SPIB: variants seen among roughly 807,000 people sequenced by gnomAD.
SPIB encodes Spi-B transcription factor.
SPIB carries 7 observed loss-of-function variants against 31.9 expected under a neutral mutation model. The ratio of observed to expected loss-of-function variants is 0.22; its 90% CI spans 0.12 to 0.41. SPIB has a LOEUF of 0.41. Among genes scored for constraint, SPIB ranks in the 10% least tolerant of loss-of-function variants. The pLI is 1.00. For missense variants in SPIB, 327 were observed against 360.2 expected (o/e 0.91, Z 0.75); for synonymous variants, 176 against 158.9 (o/e 1.11, Z -0.81).
rs1165960370 is a variant in SPIB, at chr19:50,429,954, A to C, written c.*1618A>C. The C allele has an allele frequency of 6.6e-6, 1 of 152,260 alleles. No homozygotes were observed. The highest frequency in any genetic ancestry group is 1.5e-5 in the Non-Finnish European group (1 of 68,120). The allele number at this position is 152,260 out of a possible 1,614,324, so 9.4% of individuals were successfully genotyped here. ...GAGGCAGAGGTTGCAGTGAGCCTAG[A>C]TTGTGCCACTGCACTCCAGCCTGGG... is the stretch of plus-strand genomic sequence containing the variant. On this transcript the variant is annotated 3_prime_UTR_variant, in exon 6 of 6. Transcript: ENST00000595883.
chr19:50,423,175 A>G (rs112528377), intron 4 of SPIB, 138 bp downstream of exon 4: 5 of 461,674 alleles, frequency 1.1e-5, no homozygotes, highest in African/African-American at 8.1e-5. Flanking sequence ...ACTGCACTCC[A>G]GTCTGGGCAA....
At chr19:50,426,855 T>C (rs1343913775) in intron 5 of SPIB, among the ~76,000 whole-genome samples, 1 of 151,904 alleles carries the variant, frequency 6.6e-6, no homozygotes, top group Non-Finnish European at 1.5e-5. Flanking sequence ...TCAATCCGGG[T>C]GCAGTGGCTC....
At chr19:50,424,992 A>T (rs1293545745) in intron 5 of SPIB, among the ~76,000 whole-genome samples, 1 of 151,742 alleles carries the variant, frequency 6.6e-6, no homozygotes, top group Non-Finnish European at 1.5e-5. Context: ...GCCTCATTTA[A>T]AAAATTTTAA....
At position 50,423,704 on chromosome 19, in the gene SPIB, G is replaced by A; in HGVS notation, c.439G>A (p.Glu147Lys). Residue 147 changes from glutamate (E) to lysine (K), a missense_variant, in exon 5 of 6, where the codon GAG becomes AAG. Glu to Lys is a moderately conservative substitution (Grantham distance 56, BLOSUM62 1). Transcript: ENST00000595883. ...DSPALEVSDS[E>K]SDEALVAGPE... is the part of the protein sequence containing the mutation. ...CCCTGCCCTGGAGGTCTCGGACAGC[G>A]AGTCGGATGAGGCCCTCGTGGCTGG... 6.2e-7 allele frequency: 1 copy of A among 1,613,448 alleles called. No homozygotes were observed. The highest frequency in any genetic ancestry group is 8.5e-7 in the Non-Finnish European group (1 of 1,179,768).
Position 50,422,637 on chromosome 19 carries a change from A to G in SPIB, c.124+92A>G, listed in dbSNP as rs886796713. On this transcript the variant is annotated intron_variant, in intron 3 of 5. Coordinates refer to ENST00000595883, the MANE Select transcript of SPIB (RefSeq NM_003121.5). ...CCAGGGGAGGTCATTTCCTAGCACA[A>G]CAGGATAAAGGTGGCCCGGGCCTAT... 5 of 1,434,406 alleles carry G rather than the reference A, an allele frequency of 3.5e-6. No individual in the cohort carries two copies. The African/African-American group carries it at 5.6e-5, about 16-fold the overall frequency. The allele number at this position is 1,434,406 out of a possible 1,614,324, so 88.9% of individuals were successfully genotyped here.
Position 50,428,195 on chromosome 19 carries a change from G to T in SPIB, c.648G>T (p.Lys216Asn). The T allele has an allele frequency of 6.3e-7, 1 of 1,590,328 alleles. No homozygotes were observed. The highest frequency in any genetic ancestry group is 8.6e-7 in the Non-Finnish European group (1 of 1,168,480). The change falls in exon 6 of 6, where the codon AAG becomes AAT. Residue 216 changes from lysine to asparagine, a missense_variant. By Grantham distance (94) the Lys-to-Asn change is moderately conservative. Around this residue, in one of 4 missense-constraint regions of SPIB, gnomAD observed 54 missense variants for 69.5 expected, o/e 0.78. Transcript: ENST00000595883. The surrounding 1 kb of genome is among the most constrained non-coding windows in gnomAD (Gnocchi z 6.5). Reference sequence around the variant, plus strand: ...TGGCGCGCCGCTGGGGCCAGCAGAAGGGGAACCGCAAGCGCATGACCTACC... The same window carrying T: ...TGGCGCGCCGCTGGGGCCAGCAGAATGGGAACCGCAAGCGCATGACCTACC... ...ELLARRWGQQ[K>N]GNRKRMTYQK...
intron 4 of SPIB, 22 bp from the exon 5 acceptor site, chr19:50,423,583 A>C: frequency 6.2e-7 from 1 of 1,607,696 alleles, no homozygotes; most frequent in Non-Finnish European, 8.5e-7. Flanking sequence ...CTGGACATGC[A>C]GGTGACCCTG....
intron 1 of SPIB, 144 bp from the exon 2 acceptor site, chr19:50,419,802 G>A (rs952996812): frequency 1.3e-6 from 1 of 743,302 alleles, no homozygotes; most frequent in Non-Finnish European, 2.0e-6. Flanking sequence ...TAGTGGGGGA[G>A]TCCGGTGAAT....
chr19:50,427,241 T>C (rs1182751365), intron 5 of SPIB, among the ~76,000 whole-genome samples: 15 of 149,018 alleles, frequency 1.0e-4, no homozygotes, highest in Middle Eastern at 3.7e-3. Flanking sequence ...CTCCCAGTTA[T>C]TGGCCGGGCG....
intron 1 of SPIB, chr19:50,419,744 G>C (rs530937182): frequency 4.1e-6 from 2 of 484,148 alleles, no homozygotes; most frequent in African/African-American, 4.1e-5. Context: ...GGGGAGGAGG[G>C]GGACATTTGC....
intron 4 of SPIB, chr19:50,423,333 T>G (rs376336986): frequency 1.2e-5 from 6 of 518,182 alleles, no homozygotes; most frequent in Admixed American, 3.5e-5. Flanking sequence ...CAGGTTACGT[T>G]CCGTTGTTGC....
At position 50,422,540 on chromosome 19, in the gene SPIB, C is replaced by A. The variant is rs756505597; in HGVS notation, c.119C>A (p.Ala40Asp). Residue 40 changes from alanine (A) to aspartate (D), a missense_variant, in exon 3 of 6, where the codon GCT (alanine) becomes GAT (aspartate). Ala to Asp is a moderately radical substitution (Grantham distance 126, BLOSUM62 -2). Around this residue, in one of 4 missense-constraint regions of SPIB, gnomAD observed 238 missense variants for 228.8 expected, o/e 1.04. Transcript: ENST00000595883. ...TCCAGCTACCCTGATTCAGAGGGGG[C>A]TCCTGGTGAGTGACCCCAGCCCTGT... Reference protein sequence around the residue: ...KHSSYPDSEGAPDSLWDWTVA... With the variant: ...KHSSYPDSEGDPDSLWDWTVA... 1 of 1,613,892 alleles carries A rather than the reference C, an allele frequency of 6.2e-7. No individual in the cohort carries two copies. Among genetic ancestry groups the A allele is most frequent in the Non-Finnish European group, 8.5e-7 (1 of 1,179,912 alleles).
At chr19:50,425,257 G>A (rs912110778) in intron 5 of SPIB, among the ~76,000 whole-genome samples, 7 of 151,888 alleles carry the variant, frequency 4.6e-5, no homozygotes, top group South Asian at 4.2e-4. Flanking sequence ...CGCCCGTCTC[G>A]GCCTCACAAA....
At position 50,429,288 on chromosome 19, in the gene SPIB, T is replaced by C. The variant is rs11666527; in HGVS notation, c.*952T>C. 0.18 allele frequency: 27,469 copies of C among 152,248 alleles called. 3,016 individuals are homozygous for C. Among genetic ancestry groups the C allele is most frequent in the East Asian group, 0.36 (1,846 of 5,160 alleles). 9.4% of individuals were successfully genotyped at this position (152,248 alleles called of 1,614,324 possible). ...TCATGGCAGCTCCCCACCCATGTCA[T>C]TTCTAACCAGAAGTCTCAAGGTCGT... On this transcript the variant is annotated 3_prime_UTR_variant, in exon 6 of 6. Transcript: ENST00000595883.
In SPIB at chr19:50,422,882, G is replaced by C. The variant is rs769582985; in HGVS notation, c.184G>C (p.Asp62His). 3 of 1,610,402 alleles carry C rather than the reference G, an allele frequency of 1.9e-6. No individual in the cohort carries two copies. Among genetic ancestry groups the C allele is most frequent in the Non-Finnish European group, 1.7e-6 (2 of 1,178,578 alleles). ...CCCAGCCACCCCCTATGAAGCCTTC[G>C]ACCCGGCAGCAGCCGCTTTTAGCCA... ...PVPATPYEAFDPAAAAFSHPQ... is the reference protein window; with the variant it reads ...PVPATPYEAFHPAAAAFSHPQ... Residue 62 changes from aspartate (D) to histidine (H), a missense_variant, in exon 4 of 6, where the codon GAC becomes CAC. By Grantham distance (81) the Asp-to-His change is moderately conservative (BLOSUM62 -1). Transcript: ENST00000595883.
chr19:50,419,303 G>A (rs1377591910), intron 1 of SPIB, among the ~76,000 whole-genome samples: 2 of 152,008 alleles, frequency 1.3e-5, no homozygotes, highest in South Asian at 2.1e-4. Flanking sequence ...GTATCTGTTC[G>A]CTCTGTATCT....
chr19:50,422,166 C>A (rs1006022453), intron 2 of SPIB, among the ~76,000 whole-genome samples: 1 of 152,218 alleles, frequency 6.6e-6, no homozygotes, highest in African/African-American at 2.4e-5. Context: ...GTTCTTCCAC[C>A]CCTTCTCCAG....
rs752050983 is a variant in SPIB at position 50,428,513 on chromosome 19, T to C, written c.*177T>C. On this transcript the variant is annotated 3_prime_UTR_variant, in exon 6 of 6. Coordinates refer to ENST00000595883, the MANE Select transcript of SPIB (RefSeq NM_003121.5). The surrounding 1 kb of genome is among the most constrained non-coding windows in gnomAD (Gnocchi z 6.5). Reference sequence around the variant, plus strand: ...TCCCCAAGCCCAGCCCGGGCCTGTCTGGGATTCCCCACTTGTGCCTGGGGT... The same window carrying C: ...TCCCCAAGCCCAGCCCGGGCCTGTCCGGGATTCCCCACTTGTGCCTGGGGT... The C allele has an allele frequency of 1.0e-5, 7 of 681,750 alleles. No homozygotes were observed. Among genetic ancestry groups the C allele is most frequent in the Non-Finnish European group, 1.6e-5 (7 of 443,902 alleles). The allele number at this position is 681,750 out of a possible 1,614,324, so 42.2% of individuals were successfully genotyped here.
chr19:50,419,012 C>G (rs1181692187), intron 1 of SPIB, 27 bp downstream of exon 1: 1 of 1,550,732 alleles, frequency 6.4e-7, no homozygotes, highest in East Asian at 2.4e-5. Flanking sequence ...AAACCTGCAC[C>G]CGGGGTCCCC....
Sources: allele counts gnomAD v4.1 joint callset (sites outside exome capture counted in the v4.1 genomes callset), GRCh38; gene constraint gnomAD v4.1.1; regional missense constraint gnomAD v4.1.1; non-coding constraint Gnocchi (gnomAD v3.1); transcripts MANE v1.5; gene names NCBI Gene and HGNC (gene_info 2026-07-23, HGNC 2026-07-21).